The following OGDH variants were observed in gnomAD, a reference collection of about 807,000 sequenced individuals.
OGDH encodes the protein 2-oxoglutarate dehydrogenase complex component E1.
In OGDH, 38 loss-of-function variants were observed where a neutral mutation model predicts 116.6. That is an observed-to-expected ratio of 0.33 (90% CI 0.25 to 0.43). The LOEUF is 0.43. OGDH is among the 20% of genes least tolerant of loss of function. OGDH has a pLI of 1.00. For missense variants in OGDH, 825 were observed against 1,357.2 expected, an observed-to-expected ratio of 0.61 and a Z score of 6.16; for synonymous variants, 488 against 533.3, an observed-to-expected ratio of 0.92 and a Z score of 1.17.
chr7:44,689,424 C>G (rs1788281156), intron 10 of OGDH, among the ~76,000 whole-genome samples: 2 of 90,808 alleles, frequency 2.2e-5, no homozygotes, highest in Admixed American at 2.9e-4. Flanking sequence ...TTTTTGGTAG[C>G]AACAGGGTTT....
In OGDH at chr7:44,669,855, T is replaced by C. The variant is rs139304291; in HGVS notation, c.633+3004T>C. ...ACAGACATTTGCATAAAGTTCTCAT[T>C]GCCCTGCCTGATGGTGATGCTTTAC... is the stretch of plus-strand genomic sequence containing the variant. On this transcript the variant is annotated intron_variant, in intron 5 of 22. Transcript: ENST00000222673. Among the ~76,000 whole-genome samples, 879 of 152,306 alleles carry C rather than the reference T, an allele frequency of 5.8e-3. 10 individuals are homozygous for C. Among genetic ancestry groups the C allele is most frequent in the African/African-American group, 0.019 (803 of 41,574 alleles).
At chr7:44,647,593 C>T in intron 3 of OGDH, 64 bp from the exon 4 acceptor site, 1 of 1,582,360 alleles carries the variant, frequency 6.3e-7, no homozygotes, top group Non-Finnish European at 8.7e-7. Context: ...TTTACCCCTT[C>T]CCTCTTTTTT....
intron 2 of OGDH, 87 bp from the exon 3 acceptor site, chr7:44,645,240 G>A (rs943606080): frequency 2.4e-6 from 3 of 1,241,816 alleles, no homozygotes; most frequent in Non-Finnish European, 3.4e-6. Context: ...GACTTGCCTT[G>A]CCTGCAGAGA....
chr7:44,707,782 A>G lies in OGDH; in HGVS notation c.2951+46A>G. ...AGGAAGGCTGTGGGACCCTCCCCTC[A>G]GGCCAGTAGGCAGTTAGCCAGGCAC... On this transcript the variant is annotated intron_variant, in intron 22 of 22. Transcript: ENST00000222673. This position sits in a 1 kb window ranked among gnomAD's most constrained non-coding sequence, Gnocchi z 5.2. The G allele has an allele frequency of 6.2e-7, 1 of 1,612,276 alleles. No individual in the cohort carries two copies. Among genetic ancestry groups the G allele is most frequent in the Non-Finnish European group, 8.5e-7 (1 of 1,178,788 alleles).
At chr7:44,615,266 C>T (rs568903420) in intron 1 of OGDH, among the ~76,000 whole-genome samples, 1 of 152,254 alleles carries the variant, frequency 6.6e-6, no homozygotes, top group South Asian at 2.1e-4. Flanking sequence ...CAGGGAGGGG[C>T]TGCTTCCTCA....
At chr7:44,638,695 T>A (rs1351787732) in intron 2 of OGDH, among the ~76,000 whole-genome samples, 1 of 152,232 alleles carries the variant, frequency 6.6e-6, no homozygotes, top group African/African-American at 2.4e-5. Flanking sequence ...GTAAGAGAGC[T>A]GAGGTCGCCT....
At position 44,697,981 on chromosome 7, in the gene OGDH, C is replaced by G. The variant is rs1585390566; in HGVS notation, c.2358+199C>G. 6.6e-6 allele frequency among the ~76,000 whole-genome samples: 1 copy of G among 152,188 alleles called. No individual in the cohort carries two copies. Among genetic ancestry groups the G allele is most frequent in the South Asian group, 2.1e-4 (1 of 4,830 alleles). On this transcript the variant is annotated intron_variant, in intron 17 of 22. Coordinates refer to ENST00000222673, the MANE Select transcript of OGDH (RefSeq NM_002541.4). The surrounding 1 kb of genome is among the most constrained non-coding windows in gnomAD (Gnocchi z 6.0). ...TCTGGATGTGGCTAGCATGCCCCGTCCCTGCTGGTGCAGACTCCCTAGATG... is the reference window on the plus strand; with the variant it reads ...TCTGGATGTGGCTAGCATGCCCCGTGCCTGCTGGTGCAGACTCCCTAGATG...
At chr7:44,693,372 C>T (rs1402441571) in intron 10 of OGDH, among the ~76,000 whole-genome samples, 1 of 151,460 alleles carries the variant, frequency 6.6e-6, no homozygotes, top group Non-Finnish European at 1.5e-5. Flanking sequence ...TTCGGGAAGC[C>T]GAGACAGGAG....
chr7:44,694,596 T>G lies in OGDH; in HGVS notation c.1668+20T>G, dbSNP rs1292885879. Reference sequence around the variant, plus strand: ...TATGAGGTACGTCCCTGCGGCTCTATCCCAGTGCGCCTTTCCAGGGCTGGC... The same window carrying G: ...TATGAGGTACGTCCCTGCGGCTCTAGCCCAGTGCGCCTTTCCAGGGCTGGC... On this transcript the variant is annotated intron_variant, in intron 12 of 22. Transcript: ENST00000222673. The surrounding 1 kb of genome is among the most constrained non-coding windows in gnomAD (Gnocchi z 4.2). The G allele has an allele frequency of 6.2e-7, 1 of 1,611,736 alleles. No homozygotes were observed. Among genetic ancestry groups the G allele is most frequent in the Admixed American group, 1.7e-5 (1 of 59,990 alleles).
chr7:44,657,382 G>A (rs899476690), intron 4 of OGDH, among the ~76,000 whole-genome samples: 4 of 152,168 alleles, frequency 2.6e-5, no homozygotes, highest in Admixed American at 6.5e-5. Flanking sequence ...TTTTCAATCA[G>A]CATAATTTTC....
intron 3 of OGDH, 39 bp downstream of exon 3, chr7:44,645,557 A>C: frequency 6.3e-7 from 1 of 1,596,976 alleles, no homozygotes; most frequent in South Asian, 1.1e-5. Context: ...GAAAGGGTGC[A>C]GTGTTCCTTA....
chr7:44,695,976 A>C (rs776959269), intron 12 of OGDH, 49 bp from the exon 13 acceptor site: 2 of 995,252 alleles, frequency 2.0e-6, no homozygotes, highest in Non-Finnish European at 3.2e-6. Context: ...GGGCGTGTGC[A>C]GTAGTCATGC....
At position 44,696,937 on chromosome 7, in the gene OGDH, C is replaced by T. The variant is rs750774498; in HGVS notation, c.1924C>T (p.Arg642Cys). 5 of 1,613,238 alleles carry T rather than the reference C, an allele frequency of 3.1e-6. No individual in the cohort carries two copies. Among genetic ancestry groups the T allele is most frequent in the Non-Finnish European group, 3.4e-6 (4 of 1,179,498 alleles). The change falls in exon 15 of 23, where the codon CGT (arginine) becomes TGT (cysteine). Residue 642 changes from arginine (R) to cysteine (C), a missense_variant. Physicochemically the swap from Arg to Cys is radical, Grantham distance 180. Transcript: ENST00000222673. Reference protein sequence around the residue: ...HGGLSRILKTRGEMVKNRTVD... With the variant: ...HGGLSRILKTCGEMVKNRTVD... Reference sequence around the variant, plus strand: ...AGGGCTGAGCCGGATCTTGAAGACTCGTGGGGAAATGGTGAAGAACCGGAC... The same window carrying T: ...AGGGCTGAGCCGGATCTTGAAGACTTGTGGGGAAATGGTGAAGAACCGGAC...
chr7:44,629,323 C>T (rs1020326571), intron 2 of OGDH, among the ~76,000 whole-genome samples: 5 of 152,182 alleles, frequency 3.3e-5, no homozygotes, highest in African/African-American at 1.2e-4. Flanking sequence ...GGATTAGGTC[C>T]TGAGGGAGTG....
rs559776667 is a variant in OGDH at position 44,667,668 on chromosome 7, T to C, written c.633+817T>C. ...TAGTTCTTCCATCCTGGGCAAGTCA[T>C]AGCCTCCCTCAGTATAAGGGTGACT... On this transcript the variant is annotated intron_variant, in intron 5 of 22. Transcript: ENST00000222673. Among the ~76,000 whole-genome samples the C allele has an allele frequency of 1.6e-4, 25 of 152,332 alleles. 1 individual carries two copies. The South Asian group carries it at 5.2e-3, about 32-fold the overall frequency.
chr7:44,618,364 C>T (rs1784882344), intron 1 of OGDH, among the ~76,000 whole-genome samples: 1 of 152,174 alleles, frequency 6.6e-6, no homozygotes, highest in African/African-American at 2.4e-5. Context: ...ATCCTCTCCT[C>T]CCAAAAAGAA....
chr7:44,672,456 G>A (rs1214822987), intron 5 of OGDH, among the ~76,000 whole-genome samples: 2 of 152,112 alleles, frequency 1.3e-5, no homozygotes, highest in Non-Finnish European at 2.9e-5. Context: ...GTTAGAGGAG[G>A]CTTTGGGGGT....
chr7:44,640,690 G>A (rs1392435460), intron 2 of OGDH, among the ~76,000 whole-genome samples: 1 of 151,982 alleles, frequency 6.6e-6, no homozygotes, highest in Non-Finnish European at 1.5e-5. Flanking sequence ...ATGTTTTAGG[G>A]GTTTAATAAA....
chr7:44,633,132 A>G (rs1216540269), intron 2 of OGDH, among the ~76,000 whole-genome samples: 2 of 150,988 alleles, frequency 1.3e-5, no homozygotes, highest in Non-Finnish European at 2.9e-5. Context: ...GCACCCCTGT[A>G]GTCCCAGCTA....
Sources: allele counts gnomAD v4.1 joint callset (sites outside exome capture counted in the v4.1 genomes callset), GRCh38; gene constraint gnomAD v4.1.1; non-coding constraint Gnocchi (gnomAD v3.1); transcripts MANE v1.5; gene names NCBI Gene and HGNC (gene_info 2026-07-23, HGNC 2026-07-21).